The following KCTD1 variants were observed in gnomAD, a reference collection of about 807,000 sequenced individuals.
The protein encoded by KCTD1 is BTB/POZ domain-containing protein KCTD1.
A neutral mutation model predicts 66.0 loss-of-function variants in KCTD1; 24 were observed. That is an observed-to-expected ratio of 0.36 (90% CI 0.26 to 0.51). The LOEUF (loss-of-function observed/expected upper bound fraction) is 0.51. Ranked by LOEUF, KCTD1 falls within the 20% of genes least tolerant of loss-of-function variation. The probability of loss-of-function intolerance (pLI) is 0.95; values close to 1 mark genes in which losing one functional copy is unlikely to be tolerated. For missense variants in KCTD1, 943 were observed against 1,205.2 expected, an observed-to-expected ratio of 0.78 and a Z score of 3.22; for synonymous variants, 511 against 517.2, an observed-to-expected ratio of 0.99 and a Z score of 0.16.
intron 1 of KCTD1, among the ~76,000 whole-genome samples, chr18:26,604,743 G>T (rs1399926825): frequency 6.6e-6 from 1 of 152,172 alleles, no homozygotes; most frequent in Non-Finnish European, 1.5e-5. Context: ...ACTTGAGGGT[G>T]AAGGGTGGGA....
chr18:26,540,361 C>G (rs28624785), intron 1 of KCTD1, among the ~76,000 whole-genome samples: 87,230 of 152,138 alleles, frequency 0.57, 25,150 homozygotes, highest in African/African-American at 0.63. Context: ...GTTTTACCCC[C>G]CTTCCTCCCA....
chr18:26,590,706 G>T lies in KCTD1; in HGVS notation c.-16+38441C>A, dbSNP rs185798662. ...CAAATATTCACTTATTTAGGCTATT[G>T]TTTACGTTCCATTATGGATGAAAAC... On this transcript the variant is annotated intron_variant, in intron 1 of 4. Transcript: ENST00000317932. Among the ~76,000 whole-genome samples the T allele has an allele frequency of 2.6e-3, 392 of 152,126 alleles. 1 individual carries two copies. The highest frequency in any genetic ancestry group is 4.3e-3 in the Non-Finnish European group (291 of 67,986).
chr18:26,602,514 C>T (rs891477992), intron 1 of KCTD1, among the ~76,000 whole-genome samples: 9 of 152,116 alleles, frequency 5.9e-5, no homozygotes, highest in African/African-American at 2.2e-4. Flanking sequence ...ATTATTTATG[C>T]TTAGGCATAA....
At chr18:26,456,861 G>A (rs1231448592) in intron 4 of KCTD1, 10 of 150,312 alleles carry the variant, frequency 6.7e-5, no homozygotes, top group Non-Finnish European at 1.0e-4. Context: ...TTTCCTGCCC[G>A]AGTTCTGAAT....
chr18:26,530,016 G>A (rs1984360246), intron 1 of KCTD1, among the ~76,000 whole-genome samples: 1 of 152,162 alleles, frequency 6.6e-6, no homozygotes, highest in Non-Finnish European at 1.5e-5. Flanking sequence ...CCTGTCTCTG[G>A]CCCTTCTCTT....
intron 1 of KCTD1, among the ~76,000 whole-genome samples, chr18:26,609,147 T>A (rs959248891): frequency 6.6e-6 from 1 of 151,954 alleles, no homozygotes; most frequent in African/African-American, 2.4e-5. Context: ...TAGGATAAAA[T>A]GTTAAAGTAG....
intron 2 of KCTD1, among the ~76,000 whole-genome samples, chr18:26,491,247 G>A (rs751242266): frequency 2.6e-5 from 4 of 152,136 alleles, no homozygotes; most frequent in Non-Finnish European, 4.4e-5. Context: ...CAGCAGGAGG[G>A]TGGTGACTAA....
At chr18:26,613,590 C>A (rs967848989) in intron 1 of KCTD1, among the ~76,000 whole-genome samples, 1 of 152,172 alleles carries the variant, frequency 6.6e-6, no homozygotes, top group African/African-American at 2.4e-5. Flanking sequence ...TATTGTACTG[C>A]TAAAGTGTCC....
rs762649295 is a variant in KCTD1, at chr18:26,546,921, G to C, written c.1616C>G (p.Ser539Cys). 1 of 1,478,192 alleles carries C rather than the reference G, an allele frequency of 6.8e-7. No homozygotes were observed. The highest frequency in any genetic ancestry group is 2.5e-5 in the East Asian group (1 of 39,914). The allele number at this position is 1,478,192 out of a possible 1,614,324, so 91.6% of individuals were successfully genotyped here. ...EAAPKRALYE[S>C]VFGSGEICGP... ...GCAGATTTCCCCCGACCCGAACACA[G>C]ACTCGTACAGGGCGCGCTTGGGCGC... The change falls in exon 1 of 5, where the codon TCT (serine) becomes TGT (cysteine). Residue 539 changes from serine to cysteine, a missense_variant. This residue lies in a region of KCTD1 where 197 missense variants were observed against 182.7 expected (regional missense o/e 1.08). Transcript: ENST00000580059.
intron 1 of KCTD1, chr18:26,545,683 A>G (rs2144830176): frequency 6.6e-6 from 1 of 152,104 alleles, no homozygotes. Flanking sequence ...AATAGAACAC[A>G]GTGTCCAAAG....
At chr18:26,582,404 GT>G (rs1443366624) in intron 1 of KCTD1, among the ~76,000 whole-genome samples, 1 of 152,158 alleles carries the variant, frequency 6.6e-6, no homozygotes, top group East Asian at 1.9e-4. Context: ...ATGAGTTATT[GT>G]TTTTCCACCT....
chr18:26,545,903 AAGG>A (rs1319504569), intron 1 of KCTD1: 1 of 152,170 alleles, frequency 6.6e-6, no homozygotes, highest in African/African-American at 2.4e-5. Context: ...TAGTGAAGCC[AAGG>A]AGAAGTGAAG....
At chr18:26,603,275 C>CA (rs898782725) in intron 1 of KCTD1, among the ~76,000 whole-genome samples, 10 of 151,294 alleles carry the variant, frequency 6.6e-5, no homozygotes, top group South Asian at 2.1e-4. Flanking sequence ...ACTAGAAATA[C>CA]AAAAAAACTA....
At chr18:26,519,540 A>AC (rs1183173702) in intron 1 of KCTD1, among the ~76,000 whole-genome samples, 1 of 152,230 alleles carries the variant, frequency 6.6e-6, no homozygotes, top group Non-Finnish European at 1.5e-5. Flanking sequence ...CCTGTTTATC[A>AC]CCATTTAGAG....
intron 1 of KCTD1, among the ~76,000 whole-genome samples, chr18:26,585,726 A>T (rs555544265): frequency 1.3e-5 from 2 of 152,254 alleles, no homozygotes; most frequent in Admixed American, 1.3e-4. Context: ...ATCTAATTTT[A>T]AAAAAGACAA....
At chr18:26,578,059 T>TTTCTTTC in intron 1 of KCTD1, among the ~76,000 whole-genome samples, 3 of 92,920 alleles carry the variant, frequency 3.2e-5, no homozygotes, top group African/African-American at 1.5e-4. Flanking sequence ...TTTTCTTTCT[T>TTTCTTTC]TTTTTTTTTT....
chr18:26,636,375 G>A (rs9304497), intron 1 of KCTD1, among the ~76,000 whole-genome samples: 19,127 of 151,890 alleles, frequency 0.13, 1,802 homozygotes, highest in East Asian at 0.29. Context: ...ATTGCCCTTC[G>A]ACCTGAGCAA....
intron 1 of KCTD1, among the ~76,000 whole-genome samples, chr18:26,565,491 T>C (rs533214426): frequency 2.6e-5 from 4 of 152,342 alleles, no homozygotes; most frequent in East Asian, 1.9e-4. Flanking sequence ...CCATCAAGAA[T>C]GCCCAATGGT....
chr18:26,599,730 T>G, intron 1 of KCTD1: 1 of 1,564,476 alleles, frequency 6.4e-7, no homozygotes, highest in Non-Finnish European at 8.8e-7. Flanking sequence ...AATAGCAAAG[T>G]GAAGACAGCA....
Sources: gnomAD v4.1 joint callset for allele counts (sites outside exome capture counted in the v4.1 genomes callset) on GRCh38, gnomAD v4.1.1 for gene constraint, gnomAD v4.1.1 regional missense constraint, MANE v1.5 for transcripts, NCBI Gene and HGNC (gene_info 2026-07-23, HGNC 2026-07-21) for gene names.